The following GFRA2 variants were observed in gnomAD, a reference collection of about 807,000 sequenced individuals.
GFRA2 encodes the protein GDNF family receptor alpha 2.
Under a neutral mutation model 48.3 loss-of-function variants are expected in GFRA2, and 17 were observed. That is an observed-to-expected ratio of 0.35 (90% confidence interval 0.24 to 0.53). The LOEUF (loss-of-function observed/expected upper bound fraction) is 0.53, where lower values mean the gene tolerates loss of function less well. Ranked by LOEUF, GFRA2 falls within the 20% of genes least tolerant of loss-of-function variation. The probability of loss-of-function intolerance (pLI) is 0.93; values close to 1 mark genes in which losing one functional copy is unlikely to be tolerated. For missense variants in GFRA2, 660 were observed against 637.3 expected (o/e 1.04, Z -0.38); for synonymous variants, 305 against 257.2 (o/e 1.19, Z -1.78).
Position 21,750,766 on chromosome 8 carries a change from G to A in GFRA2, c.616C>T (p.Gln206Ter). ...NRRKCHKALR[Q>*]FFDRVPSEYT... Reference sequence around the variant, plus strand: ...TCGCTGGGCACCCGGTCGAAGAACTGGCGCAGGGCCTTGTGGCACTTGCGG... The same window carrying A: ...TCGCTGGGCACCCGGTCGAAGAACTAGCGCAGGGCCTTGTGGCACTTGCGG... Residue 206 changes from glutamine (Q) to a stop codon, truncating the protein, a stop_gained, in exon 4 of 9, where the codon CAG becomes TAG. Transcript: ENST00000524240. LOFTEE classifies it high-confidence loss of function. This position sits in a 1 kb window ranked among gnomAD's most constrained non-coding sequence, Gnocchi z 5.7. 6.2e-7 allele frequency: 1 copy of A among 1,614,042 alleles called. No individual in the cohort carries two copies. Among genetic ancestry groups the A allele is most frequent in the Non-Finnish European group, 8.5e-7 (1 of 1,179,906 alleles).
intron 4 of GFRA2, among the ~76,000 whole-genome samples, chr8:21,726,997 G>A (rs578235967): frequency 5.2e-4 from 79 of 152,192 alleles, no homozygotes; most frequent in African/African-American, 1.7e-3. Context: ...TGATCCACCT[G>A]CCTCGGCCTC....
intron 3 of GFRA2, among the ~76,000 whole-genome samples, chr8:21,755,262 T>C (rs1238392210): frequency 6.6e-6 from 1 of 152,102 alleles, no homozygotes; most frequent in Non-Finnish European, 1.5e-5. Flanking sequence ...TTTTAACAAA[T>C]GCATCCCTCT....
At chr8:21,742,644 T>C (rs1388775271) in intron 4 of GFRA2, among the ~76,000 whole-genome samples, 4 of 152,192 alleles carry the variant, frequency 2.6e-5, no homozygotes, top group African/African-American at 9.7e-5. Flanking sequence ...TGGCTGAAAG[T>C]GTGTCTGCCC....
At chr8:21,780,759 T>G (rs1806945886) in intron 2 of GFRA2, 1 of 152,180 alleles carries the variant, frequency 6.6e-6, no homozygotes, top group Non-Finnish European at 1.5e-5. Flanking sequence ...GTGCCCTTCT[T>G]GACTCCTCCC....
At chr8:21,747,387 G>T (rs937393637) in intron 4 of GFRA2, among the ~76,000 whole-genome samples, 5 of 152,076 alleles carry the variant, frequency 3.3e-5, no homozygotes, top group Non-Finnish European at 7.4e-5. Flanking sequence ...CCTCTCTAAG[G>T]CTGGCCTTCC....
chr8:21,778,727 T>TA (rs1806830702), intron 2 of GFRA2, among the ~76,000 whole-genome samples: 1 of 151,568 alleles, frequency 6.6e-6, no homozygotes, highest in South Asian at 2.1e-4. Flanking sequence ...CCCACCTCCA[T>TA]AAAAAATAAA....
intron 3 of GFRA2, among the ~76,000 whole-genome samples, chr8:21,759,665 G>A (rs751917545): frequency 1.3e-4 from 19 of 152,000 alleles, no homozygotes; most frequent in Non-Finnish European, 2.4e-4. Context: ...GAGGTAGGTG[G>A]ATCAGTGAAG....
At chr8:21,790,282 G>T (rs1807531724), upstream of GFRA2, among the ~76,000 whole-genome samples, 1 of 152,216 alleles carries the variant, frequency 6.6e-6, no homozygotes, top group Non-Finnish European at 1.5e-5. Flanking sequence ...AGCTCGGCGC[G>T]CACACACGGT....
intron 7 of GFRA2, 124 bp downstream of exon 7, chr8:21,702,681 C>A: frequency 1.1e-6 from 1 of 938,408 alleles, no homozygotes; most frequent in South Asian, 1.8e-5. Context: ...CCGGCAGCTC[C>A]TCCCTGCCTC....
chr8:21,707,623 T>G (rs542615350), intron 4 of GFRA2, among the ~76,000 whole-genome samples: 5 of 152,314 alleles, frequency 3.3e-5, no homozygotes, highest in East Asian at 1.9e-4. Context: ...AAGAGTCAGC[T>G]CAGCTCTGCC....
chr8:21,741,941 A>C (rs1434448711), intron 4 of GFRA2, among the ~76,000 whole-genome samples: 2 of 151,856 alleles, frequency 1.3e-5, no homozygotes, highest in African/African-American at 4.8e-5. Flanking sequence ...AAAAAGAAAG[A>C]AAGAAAGAAA....
chr8:21,766,051 G>A (rs1385694168), intron 3 of GFRA2, among the ~76,000 whole-genome samples: 2 of 152,040 alleles, frequency 1.3e-5, no homozygotes, highest in Non-Finnish European at 1.5e-5. Flanking sequence ...ATCATACTGT[G>A]CTAGTCAACC....
chr8:21,715,667 C>T (rs1263030046), intron 4 of GFRA2, among the ~76,000 whole-genome samples: 1 of 152,226 alleles, frequency 6.6e-6, no homozygotes, highest in Non-Finnish European at 1.5e-5. Context: ...CTCCTGGCCA[C>T]ACTGGCCTAG....
intron 2 of GFRA2, among the ~76,000 whole-genome samples, chr8:21,796,708 C>T (rs1191873215): frequency 6.6e-6 from 1 of 152,234 alleles, no homozygotes; most frequent in African/African-American, 2.4e-5. Flanking sequence ...CTTCCCCCCA[C>T]TGTCCCCATG....
upstream of GFRA2, chr8:21,788,916 T>G: frequency 8.0e-6 from 4 of 499,772 alleles, no homozygotes; most frequent in Non-Finnish European, 1.0e-5. Context: ...CCACTCTCCC[T>G]GCTCCTCCCT....
At position 21,706,023 on chromosome 8, in the gene GFRA2, G is replaced by C. The variant is rs1270630232; in HGVS notation, c.813C>G (p.Phe271Leu). The C allele has an allele frequency of 6.4e-7, 1 of 1,573,202 alleles. No homozygotes were observed. Among genetic ancestry groups the C allele is most frequent in the Non-Finnish European group, 8.6e-7 (1 of 1,158,872 alleles). The change falls in exon 5 of 9, where the codon TTC (phenylalanine) becomes TTG (leucine). Residue 271 changes from phenylalanine (F) to leucine (L), a missense_variant. Phe to Leu is a conservative substitution (Grantham distance 22). Coordinates refer to ENST00000524240, the MANE Select transcript of GFRA2 (RefSeq NM_001495.5). ...DHLCRSRLADFHANCRASYQT... is the reference protein window; with the variant it reads ...DHLCRSRLADLHANCRASYQT... ...GGTAGGAGGCTCGACAATTGGCATG[G>C]AAGTCGGCCAGCCGGGACCTGGTGG...
rs547083406 is a variant in GFRA2 at position 21,692,319 on chromosome 8, C to A, written c.*959G>T. ...GGAGAGGAGCCCCGGTATGTACATA[C>A]AGTTGACGTACGTCTAGGAAATGAG... is the stretch of plus-strand genomic sequence containing the variant. On this transcript the variant is annotated 3_prime_UTR_variant, in exon 9 of 9. Coordinates refer to ENST00000524240, the MANE Select transcript of GFRA2 (RefSeq NM_001495.5). 6.6e-6 allele frequency: 1 copy of A among 152,046 alleles called. No individual in the cohort carries two copies. Among genetic ancestry groups the A allele is most frequent in the South Asian group, 2.1e-4 (1 of 4,778 alleles). 9.4% of individuals were successfully genotyped at this position (152,046 alleles called of 1,614,324 possible). A position where few individuals can be genotyped will look rare whatever the true frequency, so the allele number is the denominator to read the frequency against.
intron 1 of GFRA2, 66 bp downstream of exon 1, chr8:21,788,054 T>TCCCCCCCCCCCCCCCC: frequency 4.6e-6 from 1 of 216,168 alleles, no homozygotes. Context: ...CCACCGGCGC[T>TCCCCCCCCCCCCCCCC]CCGCTCGCCC....
At chr8:21,782,550 C>A (rs1012606815) in intron 2 of GFRA2, 35 bp downstream of exon 2, 2 of 1,494,594 alleles carry the variant, frequency 1.3e-6, no homozygotes, top group Admixed American at 2.0e-5. Context: ...CTGCGCCACA[C>A]CCCCTCCCCT....
Sources: gnomAD v4.1 joint callset for allele counts (sites outside exome capture counted in the v4.1 genomes callset) on GRCh38, gnomAD v4.1.1 for gene constraint, Gnocchi (gnomAD v3.1) non-coding constraint, MANE v1.5 for transcripts, NCBI Gene and HGNC (gene_info 2026-07-23, HGNC 2026-07-21) for gene names.